Variants in MTMR7 observed in about 807,000 individuals in gnomAD.
MTMR7 encodes myotubularin related protein 7.
In MTMR7, 76 loss-of-function variants were observed where a neutral mutation model predicts 81.2. The observed-to-expected ratio is 0.94, with a 90% CI of 0.78 to 1.13. The LOEUF (loss-of-function observed/expected upper bound fraction) is 1.13, where lower values mean the gene tolerates loss of function less well. Ranked by LOEUF, MTMR7 falls within the 50% of genes most tolerant of loss-of-function variation. The probability of loss-of-function intolerance (pLI) is 0.00; values close to 1 mark genes in which losing one functional copy is unlikely to be tolerated. For synonymous variants in MTMR7, 372 were observed against 289.8 expected (o/e 1.28, Z -2.88); for missense variants, 1,044 against 820.0 (o/e 1.27, Z -3.34).
chr8:17,308,440 A>G (rs1472951935), intron 10 of MTMR7, among the ~76,000 whole-genome samples: 1 of 152,238 alleles, frequency 6.6e-6, no homozygotes, highest in Non-Finnish European at 1.5e-5. Flanking sequence ...ATTCCTGAAA[A>G]TCACAGAATT....
At chr8:17,397,372 G>C (rs1004422650) in intron 1 of MTMR7, among the ~76,000 whole-genome samples, 1 of 152,114 alleles carries the variant, frequency 6.6e-6, no homozygotes, top group African/African-American at 2.4e-5. Flanking sequence ...AAGCCTCGCA[G>C]AATTCACCAC....
chr8:17,339,988 G>C lies in MTMR7; in HGVS notation c.732+1375C>G, dbSNP rs142131203. On this transcript the variant is annotated intron_variant, in intron 6 of 13. Transcript: ENST00000180173. ...GTTTTTGAGATGGAGTTTCGCTCTT[G>C]TTGCCCAGGCTGGAGTGCAATGGCA... 1.7e-3 allele frequency among the ~76,000 whole-genome samples: 255 copies of C among 152,280 alleles called. 2 individuals are homozygous for C. The highest frequency in any genetic ancestry group is 5.5e-3 in the African/African-American group (230 of 41,554).
chr8:17,400,222 A>T (rs924695788), intron 1 of MTMR7, among the ~76,000 whole-genome samples: 4 of 152,242 alleles, frequency 2.6e-5, no homozygotes, highest in African/African-American at 9.6e-5. Context: ...CTGAAATAAC[A>T]CTATAGCTAC....
chr8:17,400,582 G>C (rs17124517), intron 1 of MTMR7, among the ~76,000 whole-genome samples: 2,035 of 152,132 alleles, frequency 0.013, 48 homozygotes, highest in African/African-American at 0.036. Context: ...GTTACCCTTG[G>C]TTTTTCTTGT....
At position 17,371,100 on chromosome 8, in the gene MTMR7, T is replaced by G. The variant is rs774550130; in HGVS notation, c.247A>C (p.Ile83Leu). The G allele has an allele frequency of 3.7e-6, 6 of 1,614,240 alleles. No homozygotes were observed. The highest frequency in any genetic ancestry group is 5.1e-6 in the Non-Finnish European group (6 of 1,180,028). The change falls in exon 3 of 14, where the codon ATC becomes CTC. Residue 83 changes from isoleucine (I) to leucine (L), a missense_variant. Physicochemically the swap from Ile to Leu is conservative, Grantham distance 5. Coordinates refer to ENST00000180173, the MANE Select transcript of MTMR7 (RefSeq NM_004686.5). ...TGGCAATCTCTTTCCTGAGGTATGA[T>G]GAGCTGTATTATCTGAAAGTTCTTG... ...RCKNFQIIQL[I>L]IPQERDCHDV...
rs183447126 is a variant in MTMR7, at chr8:17,379,821, T to C, written c.25-6581A>G. Among the ~76,000 whole-genome samples the C allele has an allele frequency of 9.4e-4, 143 of 152,268 alleles. 1 individual carries two copies. Among genetic ancestry groups the C allele is most frequent in the Admixed American group, 2.9e-3 (44 of 15,294 alleles). Reference sequence around the variant, plus strand: ...TGTTTTTGTTTTTTTAATTAGGTAGTGAAGCACCACAGGAAATAATCTCCA... The same window carrying C: ...TGTTTTTGTTTTTTTAATTAGGTAGCGAAGCACCACAGGAAATAATCTCCA... On this transcript the variant is annotated intron_variant, in intron 1 of 13. Coordinates refer to ENST00000180173, the MANE Select transcript of MTMR7 (RefSeq NM_004686.5).
intron 1 of MTMR7, among the ~76,000 whole-genome samples, chr8:17,390,640 A>G (rs905855977): frequency 3.3e-5 from 5 of 151,794 alleles, no homozygotes; most frequent in African/African-American, 1.2e-4. Context: ...GGTAATTTAT[A>G]AAGGAAAGAG....
At chr8:17,372,067 C>G (rs1314322488) in intron 2 of MTMR7, among the ~76,000 whole-genome samples, 2 of 152,016 alleles carry the variant, frequency 1.3e-5, no homozygotes, top group Non-Finnish European at 2.9e-5. Context: ...AACCATCATT[C>G]TACTCTCTAA....
intron 1 of MTMR7, among the ~76,000 whole-genome samples, chr8:17,375,074 A>G (rs1820539361): frequency 6.6e-6 from 1 of 152,178 alleles, no homozygotes. Context: ...GGGCAACAAG[A>G]GCAAAACTCC....
chr8:17,312,546 G>A (rs553597405), intron 8 of MTMR7, among the ~76,000 whole-genome samples: 3 of 128,906 alleles, frequency 2.3e-5, no homozygotes, highest in East Asian at 2.4e-4. Flanking sequence ...CTGCACTCCA[G>A]CCTGGGTGAC....
chr8:17,324,317 A>G (rs757446545), intron 7 of MTMR7, among the ~76,000 whole-genome samples: 4 of 152,234 alleles, frequency 2.6e-5, no homozygotes, highest in Non-Finnish European at 5.9e-5. Flanking sequence ...TACTTACTAC[A>G]AGCAGGTATT....
intron 4 of MTMR7, 124 bp downstream of exon 4, chr8:17,360,993 G>T: frequency 9.1e-7 from 1 of 1,104,468 alleles, no homozygotes; most frequent in Non-Finnish European, 1.3e-6. Flanking sequence ...AGAGAGACCT[G>T]GAAATCCACA....
At chr8:17,348,806 T>TCATGTCATAC in intron 5 of MTMR7, 147 bp downstream of exon 5, 1 of 900,178 alleles carries the variant, frequency 1.1e-6, no homozygotes, top group Non-Finnish European at 1.7e-6. Context: ...CATAGTTGTA[T>TCATGTCATAC]CATGTCATAC....
chr8:17,359,891 T>C (rs1216742869), intron 4 of MTMR7, among the ~76,000 whole-genome samples: 2 of 152,172 alleles, frequency 1.3e-5, no homozygotes, highest in African/African-American at 4.8e-5. Flanking sequence ...ACAATTATTT[T>C]TGACAACATG....
At chr8:17,377,354 A>C (rs1311683764) in intron 1 of MTMR7, among the ~76,000 whole-genome samples, 3 of 152,072 alleles carry the variant, frequency 2.0e-5, no homozygotes, top group Non-Finnish European at 2.9e-5. Context: ...AAATTTTTAC[A>C]ATCTTTTAAT....
At chr8:17,406,514 G>A (rs1821586225) in intron 1 of MTMR7, among the ~76,000 whole-genome samples, 1 of 152,120 alleles carries the variant, frequency 6.6e-6, no homozygotes, top group Non-Finnish European at 1.5e-5. Context: ...GGAAAAACTG[G>A]AACCCTTACA....
chr8:17,373,294 C>T lies in MTMR7; in HGVS notation c.25-54G>A, dbSNP rs754025561. On this transcript the variant is annotated intron_variant, in intron 1 of 13. Transcript: ENST00000180173. ...TACCGTAAAGCAGAAGAGCAATTCA[C>T]GAAATAAATGATAACAGGGTAAACT... 33 of 1,556,576 alleles carry T rather than the reference C, an allele frequency of 2.1e-5. No individual in the cohort carries two copies. In the African/African-American group the frequency reaches 3.0e-4, roughly 14 times the overall value.
intron 7 of MTMR7, among the ~76,000 whole-genome samples, chr8:17,326,914 A>G (rs1465327962): frequency 6.6e-6 from 1 of 152,218 alleles, no homozygotes; most frequent in African/African-American, 2.4e-5. Flanking sequence ...TATACCGACC[A>G]TAGCAAGTAT....
At chr8:17,401,551 T>C (rs1286895639) in intron 1 of MTMR7, among the ~76,000 whole-genome samples, 1 of 151,956 alleles carries the variant, frequency 6.6e-6, no homozygotes, top group East Asian at 1.9e-4. Flanking sequence ...AAAAATAAAC[T>C]GGTGGGGGAG....
Sources: allele counts gnomAD v4.1 joint callset (sites outside exome capture counted in the v4.1 genomes callset), GRCh38; gene constraint gnomAD v4.1.1; transcripts MANE v1.5; gene names NCBI Gene and HGNC (gene_info 2026-07-23, HGNC 2026-07-21).